CCDC178: variants seen among roughly 807,000 people sequenced by gnomAD.
CCDC178 encodes the protein coiled-coil domain-containing protein 178.
A neutral mutation model predicts 117.4 loss-of-function variants in CCDC178; 126 were observed. The ratio of observed to expected loss-of-function variants is 1.07; its 90% confidence interval spans 0.93 to 1.24. CCDC178 has a LOEUF of 1.24. CCDC178 is among the 50% of genes most tolerant of loss of function. The probability of loss-of-function intolerance (pLI) is 0.00; values close to 1 mark genes in which losing one functional copy is unlikely to be tolerated. For missense variants in CCDC178, 1,030 were observed against 986.9 expected (o/e 1.04, Z -0.59); for synonymous variants, 283 against 313.4 (o/e 0.90, Z 1.02).
At chr18:33,005,157 C>T (rs962787528) in intron 21 of CCDC178, among the ~76,000 whole-genome samples, 2 of 152,188 alleles carry the variant, frequency 1.3e-5, no homozygotes, top group Admixed American at 1.3e-4. Flanking sequence ...GAAGAGATAT[C>T]TGCACTCTCA....
In CCDC178 at chr18:33,011,767, CAAAAAAAAAAAAAAAAAAAAAAAAA is replaced by C. The variant is rs71177899; in HGVS notation, c.2389-37111_2389-37087del. ...ACGTGGCAAATGATTGAGCAGAATG[CAAAAAAAAAAAAAAAAAAAAAAAAA>C]AAAAAAAAAAAAAAAAGGACACAGG... is the stretch of plus-strand genomic sequence containing the variant. On this transcript the variant is annotated intron_variant, in intron 21 of 22. Coordinates refer to ENST00000383096, the MANE Select transcript of CCDC178 (RefSeq NM_001105528.4). Among the ~76,000 whole-genome samples, 8 of 30,014 alleles carry C rather than the reference CAAAAAAAAAAAAAAAAAAAAAAAAA, an allele frequency of 2.7e-4. No homozygotes were observed. The South Asian group carries it at 0.01, about 38-fold the overall frequency. 19.7% of individuals were successfully genotyped at this position (30,014 alleles called of 152,430 possible). A position where few individuals can be genotyped will look rare whatever the true frequency, so the allele number is the denominator to read the frequency against.
At chr18:33,216,788 T>A (rs748713232) in intron 18 of CCDC178, among the ~76,000 whole-genome samples, 23 of 152,126 alleles carry the variant, frequency 1.5e-4, no homozygotes, top group Middle Eastern at 3.4e-3. Flanking sequence ...AATAAAAGGA[T>A]TTTTTCTCCT....
chr18:33,072,468 C>T (rs568641259), intron 21 of CCDC178, among the ~76,000 whole-genome samples: 2 of 152,014 alleles, frequency 1.3e-5, no homozygotes, highest in Admixed American at 6.6e-5. Flanking sequence ...CTCATATAAT[C>T]TTCACAGTAC....
intron 20 of CCDC178, among the ~76,000 whole-genome samples, chr18:33,177,285 CA>C (rs1228213152): frequency 6.6e-6 from 1 of 152,074 alleles, no homozygotes; most frequent in Non-Finnish European, 1.5e-5. Context: ...ATACGTGCAG[CA>C]AACCATCATG....
Position 33,394,943 on chromosome 18 carries a change from GTATATATATATATATATATA to G in CCDC178, c.118+2186_118+2205del, listed in dbSNP as rs61298209. Among the ~76,000 whole-genome samples the G allele has an allele frequency of 1.3e-3, 77 of 61,512 alleles. 1 individual carries two copies. The highest frequency in any genetic ancestry group is 3.3e-3 in the African/African-American group (55 of 16,578). 40.4% of individuals were successfully genotyped at this position (61,512 alleles called of 152,430 possible). On this transcript the variant is annotated intron_variant, in intron 4 of 22. Coordinates refer to ENST00000383096, the MANE Select transcript of CCDC178 (RefSeq NM_001105528.4). ...ACTTTAAAAGCCTGTATATGTATGT[GTATATATATATATATATATA>G]TATATATATATATATATATATATAT... is the stretch of plus-strand genomic sequence containing the variant.
rs2063231156 is a variant in CCDC178, at chr18:33,367,672, TAC to T, written c.348+2376_348+2377del. Among the ~76,000 whole-genome samples the T allele has an allele frequency of 7.8e-4, 119 of 152,102 alleles. 2 individuals are homozygous for T. In the South Asian group the frequency reaches 0.024, roughly 31 times the overall value. On this transcript the variant is annotated intron_variant, in intron 6 of 22. Transcript: ENST00000383096. ...TTCATTCTTAAAATATTAGTTCAAATACTGCATAGATTTGAACTAAATATCTA... is the reference window on the plus strand; with the variant it reads ...TTCATTCTTAAAATATTAGTTCAAATTGCATAGATTTGAACTAAATATCTA...
chr18:32,952,597 C>T (rs1421807078), intron 22 of CCDC178, among the ~76,000 whole-genome samples: 17 of 152,126 alleles, frequency 1.1e-4, no homozygotes, highest in Admixed American at 2.6e-4. Flanking sequence ...AGGCCTGTGA[C>T]GGGAGGGGCT....
intron 14 of CCDC178, among the ~76,000 whole-genome samples, chr18:33,261,473 T>C (rs1321920135): frequency 6.6e-6 from 1 of 152,206 alleles, no homozygotes; most frequent in Non-Finnish European, 1.5e-5. Flanking sequence ...TATTATGTGG[T>C]CTTCTGGGTA....
intron 21 of CCDC178, among the ~76,000 whole-genome samples, chr18:33,041,349 T>C (rs977160150): frequency 2.0e-5 from 3 of 151,508 alleles, no homozygotes; most frequent in African/African-American, 4.8e-5. Flanking sequence ...GAGTATTTTA[T>C]ATAAAATTTT....
intron 15 of CCDC178, 72 bp from the exon 16 acceptor site, chr18:33,226,927 C>T (rs1382145181): frequency 4.2e-6 from 3 of 706,858 alleles, no homozygotes; most frequent in Non-Finnish European, 7.2e-6. Flanking sequence ...AAAACAATTG[C>T]TAATATAAGA....
At chr18:33,180,044 G>T (rs2058716995) in intron 20 of CCDC178, among the ~76,000 whole-genome samples, 1 of 151,814 alleles carries the variant, frequency 6.6e-6, no homozygotes, top group African/African-American at 2.4e-5. Flanking sequence ...TAGCTTTTAT[G>T]CAAAGCACTT....
At chr18:33,073,453 T>C (rs1434656998) in intron 21 of CCDC178, among the ~76,000 whole-genome samples, 1 of 152,174 alleles carries the variant, frequency 6.6e-6, no homozygotes, top group East Asian at 1.9e-4. Context: ...TGTATTACTG[T>C]ATATTGAATT....
intron 21 of CCDC178, among the ~76,000 whole-genome samples, chr18:32,989,097 T>C (rs923114979): frequency 1.3e-5 from 2 of 152,122 alleles, no homozygotes; most frequent in African/African-American, 2.4e-5. Context: ...AGAGAGAATA[T>C]TTCCCAAATT....
At chr18:33,262,125 G>A (rs1421548642) in intron 14 of CCDC178, among the ~76,000 whole-genome samples, 1 of 151,964 alleles carries the variant, frequency 6.6e-6, no homozygotes, top group Non-Finnish European at 1.5e-5. Context: ...ACTTATATAT[G>A]GCCAATTGTT....
At chr18:33,058,263 G>A (rs1288353587) in intron 21 of CCDC178, among the ~76,000 whole-genome samples, 2 of 152,152 alleles carry the variant, frequency 1.3e-5, no homozygotes, top group Non-Finnish European at 2.9e-5. Context: ...CATCACCTAA[G>A]GAGTGATTTA....
At chr18:33,211,213 A>G (rs1035232153) in intron 20 of CCDC178, among the ~76,000 whole-genome samples, 1 of 151,900 alleles carries the variant, frequency 6.6e-6, no homozygotes, top group Admixed American at 6.6e-5. Flanking sequence ...CTTCTTAGAA[A>G]AGATGTCCCT....
chr18:32,948,774 G>T lies in CCDC178; in HGVS notation c.2524-10683C>A, dbSNP rs2054410663. Reference sequence around the variant, plus strand: ...TCATTTGTTGCATAACCAGTCAATTGTCATTTAAAGGTGTTTTAAAAATAA... The same window carrying T: ...TCATTTGTTGCATAACCAGTCAATTTTCATTTAAAGGTGTTTTAAAAATAA... On this transcript the variant is annotated intron_variant, in intron 22 of 22. Transcript: ENST00000383096. Among the ~76,000 whole-genome samples, 3 of 151,982 alleles carry T rather than the reference G, an allele frequency of 2.0e-5. No individual in the cohort carries two copies. In the South Asian group the frequency reaches 6.2e-4, roughly 32 times the overall value.
rs143696195 is a variant in CCDC178, at chr18:33,421,500, C to T, written c.-22-9390G>A. ...GGTTTTGTTGGTAGCTCAAAATGAA[C>T]CATGGTGAATAGATTTATAACACAG... On this transcript the variant is annotated intron_variant, in intron 2 of 22. Transcript: ENST00000383096. 2.8e-3 allele frequency among the ~76,000 whole-genome samples: 433 copies of T among 152,186 alleles called. 3 individuals carry two copies. Among genetic ancestry groups the T allele is most frequent in the African/African-American group, 1.0e-2 (414 of 41,530 alleles).
At chr18:33,141,306 G>A (rs192097040) in intron 20 of CCDC178, among the ~76,000 whole-genome samples, 205 of 152,274 alleles carry the variant, frequency 1.3e-3, no homozygotes, top group African/African-American at 4.7e-3. Flanking sequence ...CTTATAGTTA[G>A]TTATTGCCTT....
Sources: allele counts gnomAD v4.1 joint callset (sites outside exome capture counted in the v4.1 genomes callset), GRCh38; gene constraint gnomAD v4.1.1; transcripts MANE v1.5; gene names NCBI Gene and HGNC (gene_info 2026-07-23, HGNC 2026-07-21).